Variants in RAB21 observed in about 807,000 individuals in gnomAD.
RAB21 encodes RAB21, member RAS oncogene family, also known as ras-related protein Rab-21.
Under a neutral mutation model 33.1 loss-of-function variants are expected in RAB21, and 13 were observed. The ratio of observed to expected loss-of-function variants is 0.39; its 90% confidence interval spans 0.26 to 0.62. The LOEUF is 0.62. RAB21 is among the 20% of genes least tolerant of loss of function. The pLI is 0.48. For missense variants in RAB21, 234 were observed against 279.1 expected, an observed-to-expected ratio of 0.84 and a Z score of 1.15; for synonymous variants, 91 against 103.7, an observed-to-expected ratio of 0.88 and a Z score of 0.74.
chr12:71,783,673 C>T (rs967518321), intron 6 of RAB21, among the ~76,000 whole-genome samples: 4 of 152,094 alleles, frequency 2.6e-5, no homozygotes, highest in African/African-American at 7.2e-5. Context: ...TTTTAACAAA[C>T]GCTTCATATG....
chr12:71,769,621 T>G (rs1263419429), intron 1 of RAB21, among the ~76,000 whole-genome samples, 179 bp from the exon 2 acceptor site: 1 of 152,158 alleles, frequency 6.6e-6, no homozygotes, highest in East Asian at 1.9e-4. Context: ...TTTTTTTAGA[T>G]AAAAATGTAA....
intron 5 of RAB21, 131 bp downstream of exon 5, chr12:71,782,216 T>C (rs537990972): frequency 1.1e-6 from 1 of 870,528 alleles, no homozygotes; most frequent in South Asian, 1.9e-5. Context: ...CAGTGAAGCA[T>C]GTTTACATGG....
intron 1 of RAB21, among the ~76,000 whole-genome samples, chr12:71,768,717 CAA>C (rs568626585): frequency 5.2e-4 from 79 of 152,150 alleles, no homozygotes; most frequent in African/African-American, 1.8e-3. Context: ...CCTGTTTCTT[CAA>C]ACAGTTGTTC....
intron 6 of RAB21, among the ~76,000 whole-genome samples, chr12:71,784,539 C>T (rs1883255239): frequency 6.6e-6 from 1 of 151,426 alleles, no homozygotes; most frequent in Non-Finnish European, 1.5e-5. Flanking sequence ...CAATAGATGT[C>T]CAGTTCTATT....
intron 4 of RAB21, among the ~76,000 whole-genome samples, chr12:71,780,264 G>A (rs945086094): frequency 6.6e-6 from 1 of 152,104 alleles, no homozygotes; most frequent in Non-Finnish European, 1.5e-5. Flanking sequence ...TGGAACATGA[G>A]CCATTAAATA....
Position 71,782,012 on chromosome 12 carries a change from T to C in RAB21, c.392-19T>C. The C allele has an allele frequency of 1.3e-6, 2 of 1,543,764 alleles. No homozygotes were observed. The highest frequency in any genetic ancestry group is 1.8e-6 in the Non-Finnish European group (2 of 1,120,112). ...AAATAAATCAGTATAAAGATAAATA[T>C]TTACTTTTTTCAAAATAGGTAATAA... On this transcript the variant is annotated intron_variant, in intron 4 of 6. Coordinates refer to ENST00000261263, the MANE Select transcript of RAB21 (RefSeq NM_014999.4).
At chr12:71,781,575 A>G (rs1255126835) in intron 4 of RAB21, among the ~76,000 whole-genome samples, 3 of 152,210 alleles carry the variant, frequency 2.0e-5, no homozygotes, top group African/African-American at 7.2e-5. Context: ...CCAGGAAACC[A>G]AAATACTTGT....
chr12:71,772,130 C>T (rs1296006994), intron 3 of RAB21, among the ~76,000 whole-genome samples: 2 of 152,152 alleles, frequency 1.3e-5, no homozygotes, highest in African/African-American at 4.8e-5. Flanking sequence ...TTTGTGATGT[C>T]ACTGGAGTCA....
chr12:71,774,861 G>GGCTTCAAGTTTCCCAGCCTT lies in RAB21; in HGVS notation c.391+847_391+866dup, dbSNP rs551916379. On this transcript the variant is annotated intron_variant, in intron 4 of 6. Coordinates refer to ENST00000261263, the MANE Select transcript of RAB21 (RefSeq NM_014999.4). ...AGCAAATTGGAAACTAAACAGTTGG[G>GGCTTCAAGTTTCCCAGCCTT]GCTTCAAGTTTCCCAGCCTTGCTTC... Among the ~76,000 whole-genome samples, 738 of 152,140 alleles carry GGCTTCAAGTTTCCCAGCCTT rather than the reference G, an allele frequency of 4.9e-3. 7 individuals carry two copies. Among genetic ancestry groups the GGCTTCAAGTTTCCCAGCCTT allele is most frequent in the African/African-American group, 0.017 (703 of 41,488 alleles).
chr12:71,775,837 G>T (rs1474098001), intron 4 of RAB21, among the ~76,000 whole-genome samples: 1 of 146,228 alleles, frequency 6.8e-6, no homozygotes, highest in Non-Finnish European at 1.5e-5. Context: ...ACCCGGCCAA[G>T]AATTTTTTTT....
chr12:71,786,954 A>C lies in RAB21; in HGVS notation c.*1281A>C, dbSNP rs769179972. 1.3e-5 allele frequency: 2 copies of C among 152,206 alleles called. No individual in the cohort carries two copies. Among genetic ancestry groups the C allele is most frequent in the Non-Finnish European group, 2.9e-5 (2 of 68,046 alleles). 9.4% of individuals were successfully genotyped at this position (152,206 alleles called of 1,614,324 possible). ...GCTTTCATTTTCTCATAGGCTTTATAAGAGATGGGTTCAGTGGTATGAGCA... is the reference window on the plus strand; with the variant it reads ...GCTTTCATTTTCTCATAGGCTTTATCAGAGATGGGTTCAGTGGTATGAGCA... On this transcript the variant is annotated 3_prime_UTR_variant, in exon 7 of 7. Transcript: ENST00000261263.
At chr12:71,755,350 A>G in intron 1 of RAB21, 62 bp downstream of exon 1, 1 of 1,418,576 alleles carries the variant, frequency 7.0e-7, no homozygotes, top group Non-Finnish European at 9.2e-7. Context: ...GGGCTGGGGA[A>G]ACTTTGCCGC....
Position 71,786,779 on chromosome 12 carries a change from C to T in RAB21, c.*1106C>T, listed in dbSNP as rs1312694868. 2.0e-5 allele frequency: 3 copies of T among 152,234 alleles called. No individual in the cohort carries two copies. Among genetic ancestry groups the T allele is most frequent in the Non-Finnish European group, 4.4e-5 (3 of 68,036 alleles). 9.4% of individuals were successfully genotyped at this position (152,234 alleles called of 1,614,324 possible). ...TTGCTGTTGTCACATATTTTTGCCTCTGTGAGTTCATCTGATGATTGAGCA... is the reference window on the plus strand; with the variant it reads ...TTGCTGTTGTCACATATTTTTGCCTTTGTGAGTTCATCTGATGATTGAGCA... On this transcript the variant is annotated 3_prime_UTR_variant, in exon 7 of 7. Transcript: ENST00000261263.
intron 3 of RAB21, among the ~76,000 whole-genome samples, chr12:71,773,266 T>C (rs1565889980): frequency 1.3e-5 from 2 of 152,246 alleles, no homozygotes. Context: ...CTGTATATCA[T>C]TGGTTCTCTA....
At chr12:71,783,324 A>G (rs1280408685) in intron 6 of RAB21, among the ~76,000 whole-genome samples, 2 of 151,772 alleles carry the variant, frequency 1.3e-5, no homozygotes, top group African/African-American at 4.8e-5. Context: ...AAATAAATTT[A>G]TATATATTCT....
In RAB21 at chr12:71,786,304, A is replaced by G. The variant is rs1315557121; in HGVS notation, c.*631A>G. 1 of 152,592 alleles carries G rather than the reference A, an allele frequency of 6.6e-6. No individual in the cohort carries two copies. Among genetic ancestry groups the G allele is most frequent in the Non-Finnish European group, 1.5e-5 (1 of 68,016 alleles). The allele number at this position is 152,592 out of a possible 1,614,324, so 9.5% of individuals were successfully genotyped here. A position where few individuals can be genotyped will look rare whatever the true frequency, so the allele number is the denominator to read the frequency against. On this transcript the variant is annotated 3_prime_UTR_variant, in exon 7 of 7. Coordinates refer to ENST00000261263, the MANE Select transcript of RAB21 (RefSeq NM_014999.4). Reference sequence around the variant, plus strand: ...AGACCTACTTAAAGTCTTCATTTATATTCTTTCAAATCAAATCTTTATTTA... The same window carrying G: ...AGACCTACTTAAAGTCTTCATTTATGTTCTTTCAAATCAAATCTTTATTTA...
In RAB21 at chr12:71,782,550, C is replaced by G; in HGVS notation, c.447-20C>G. 6.7e-7 allele frequency: 1 copy of G among 1,492,446 alleles called. No homozygotes were observed. 92.5% of individuals were successfully genotyped at this position (1,492,446 alleles called of 1,614,324 possible). ...ATGAATAATATTTTACATCAATCAC[C>G]GATGTTACTTTTTTTTAAGGTATGC... On this transcript the variant is annotated intron_variant, in intron 5 of 6. Coordinates refer to ENST00000261263, the MANE Select transcript of RAB21 (RefSeq NM_014999.4).
At chr12:71,755,355 T>A in intron 1 of RAB21, 67 bp downstream of exon 1, 1 of 1,413,658 alleles carries the variant, frequency 7.1e-7, no homozygotes, top group Non-Finnish European at 9.2e-7. Flanking sequence ...GGGGAAACTT[T>A]GCCGCCCTGG....
In RAB21 at chr12:71,787,562, TAACTTAAACCTTCTCAA is replaced by T. The variant is rs1167913900; in HGVS notation, c.*1891_*1907del. On this transcript the variant is annotated 3_prime_UTR_variant, in exon 7 of 7. Transcript: ENST00000261263. Reference sequence around the variant, plus strand: ...AAATACTGCCATATTTTTAAGTTAATAACTTAAACCTTCTCAAATGGGTTAAAAGTTGAATGAATTGA... The same window carrying T: ...AAATACTGCCATATTTTTAAGTTAATATGGGTTAAAAGTTGAATGAATTGA... 5.3e-5 allele frequency: 8 copies of T among 152,228 alleles called. No individual in the cohort carries two copies. Among genetic ancestry groups the T allele is most frequent in the Non-Finnish European group, 1.2e-4 (8 of 68,040 alleles). The allele number at this position is 152,228 out of a possible 1,614,324, so 9.4% of individuals were successfully genotyped here.
Sources: gnomAD v4.1 joint callset for allele counts (sites outside exome capture counted in the v4.1 genomes callset) on GRCh38, gnomAD v4.1.1 for gene constraint, MANE v1.5 for transcripts, NCBI Gene and HGNC (gene_info 2026-07-23, HGNC 2026-07-21) for gene names.